Variants in PDZRN4 observed in about 807,000 individuals in gnomAD.
PDZRN4 encodes PDZ domain containing ring finger 4, also known as PDZ domain-containing RING finger protein 4.
In PDZRN4, 70 loss-of-function variants were observed where a neutral mutation model predicts 99.0. The observed-to-expected ratio is 0.71, with a 90% CI of 0.58 to 0.86. The LOEUF (loss-of-function observed/expected upper bound fraction) is 0.86, where lower values mean the gene tolerates loss of function less well. Among genes scored for constraint, PDZRN4 ranks in the 40% least tolerant of loss-of-function variants. The pLI, the probability that PDZRN4 is intolerant of heterozygous loss-of-function variation, is 0.00. For synonymous variants in PDZRN4, 551 were observed against 501.6 expected (o/e 1.10, Z -1.32); for missense variants, 1,474 against 1,331.2 (o/e 1.11, Z -1.67).
At chr12:41,307,874 C>T (rs1951582496) in intron 3 of PDZRN4, among the ~76,000 whole-genome samples, 1 of 152,114 alleles carries the variant, frequency 6.6e-6, no homozygotes, top group Non-Finnish European at 1.5e-5. Context: ...CTATACATCA[C>T]TTCTGTGAGA....
At chr12:41,480,317 T>A (rs1937652597) in intron 3 of PDZRN4, among the ~76,000 whole-genome samples, 1 of 152,182 alleles carries the variant, frequency 6.6e-6, no homozygotes, top group African/African-American at 2.4e-5. Flanking sequence ...GTGGCTGGAA[T>A]ATTATGCATA....
At chr12:41,429,057 G>A (rs1329755520) in intron 3 of PDZRN4, among the ~76,000 whole-genome samples, 1 of 152,200 alleles carries the variant, frequency 6.6e-6, no homozygotes, top group Non-Finnish European at 1.5e-5. Context: ...TTGCTAGGTA[G>A]AATTTAATAT....
intron 3 of PDZRN4, among the ~76,000 whole-genome samples, chr12:41,227,250 G>A (rs1403177041): frequency 4.6e-5 from 7 of 152,068 alleles, no homozygotes; most frequent in African/African-American, 1.4e-4. Context: ...TAAGTTTGAG[G>A]TTTGTTCTGT....
chr12:41,453,055 A>G (rs1952788222), intron 3 of PDZRN4, among the ~76,000 whole-genome samples: 1 of 152,128 alleles, frequency 6.6e-6, no homozygotes, highest in Non-Finnish European at 1.5e-5. Context: ...CTGAAACTGG[A>G]ATGGCCTGTC....
intron 3 of PDZRN4, among the ~76,000 whole-genome samples, chr12:41,319,880 A>C (rs911341621): frequency 3.3e-5 from 5 of 152,230 alleles, no homozygotes; most frequent in Non-Finnish European, 5.9e-5. Context: ...CCTGCTTTTT[A>C]AACCTATGGT....
Position 41,574,108 on chromosome 12 carries a change from C to A in PDZRN4, c.*218C>A. On this transcript the variant is annotated 3_prime_UTR_variant, in exon 10 of 10. Coordinates refer to ENST00000402685, the MANE Select transcript of PDZRN4 (RefSeq NM_001164595.2). ...ATCTTTCTTTTACTTGTGATATATT[C>A]ATATTACTCGTTTATAAAAAATCAA... is the stretch of plus-strand genomic sequence containing the variant. 2.8e-6 allele frequency: 1 copy of A among 357,436 alleles called. No individual in the cohort carries two copies. The highest frequency in any genetic ancestry group is 2.1e-5 in the African/African-American group (1 of 47,668). The allele number at this position is 357,436 out of a possible 1,614,324, so 22.1% of individuals were successfully genotyped here. A position where few individuals can be genotyped will look rare whatever the true frequency, so the allele number is the denominator to read the frequency against.
At chr12:41,276,395 C>T (rs117903281) in intron 3 of PDZRN4, among the ~76,000 whole-genome samples, 2,624 of 152,052 alleles carry the variant, frequency 0.017, 44 homozygotes, top group Non-Finnish European at 0.024. Context: ...AGCAGTTTAA[C>T]GAGTAGACCC....
intron 3 of PDZRN4, among the ~76,000 whole-genome samples, chr12:41,199,711 C>T (rs540220383): frequency 2.3e-4 from 35 of 152,192 alleles, no homozygotes; most frequent in Admixed American, 9.2e-4. Context: ...GTGTGTTTTG[C>T]GCAACATAGA....
At position 41,205,632 on chromosome 12, in the gene PDZRN4, G is replaced by T. The variant is rs750824666; in HGVS notation, c.843+11444G>T. ...TCTACTCAGCTCAGATATCACCATT[G>T]CAGACAAGCCTCCTCTGTCTTTCCT... On this transcript the variant is annotated intron_variant, in intron 3 of 9. Coordinates refer to ENST00000402685, the MANE Select transcript of PDZRN4 (RefSeq NM_001164595.2). Among the ~76,000 whole-genome samples, 3 of 151,832 alleles carry T rather than the reference G, an allele frequency of 2.0e-5. No individual in the cohort carries two copies. In the South Asian group the frequency reaches 6.2e-4, roughly 31 times the overall value.
At chr12:41,493,477 A>C (rs533480768) in intron 3 of PDZRN4, among the ~76,000 whole-genome samples, 1 of 152,132 alleles carries the variant, frequency 6.6e-6, no homozygotes, top group African/African-American at 2.4e-5. Context: ...TGATGACTCT[A>C]TTTGGTGGAG....
chr12:41,457,395 G>A (rs540191482), intron 3 of PDZRN4, among the ~76,000 whole-genome samples: 17 of 152,240 alleles, frequency 1.1e-4, no homozygotes, highest in Admixed American at 5.9e-4. Flanking sequence ...TGAATAATCC[G>A]AACTAAATTT....
chr12:41,373,796 T>C (rs1394001081), intron 3 of PDZRN4, among the ~76,000 whole-genome samples: 1 of 152,114 alleles, frequency 6.6e-6, no homozygotes, highest in African/African-American at 2.4e-5. Context: ...ATTGGGGAAG[T>C]GATAAGTGTC....
intron 3 of PDZRN4, among the ~76,000 whole-genome samples, chr12:41,223,062 G>A (rs1385051988): frequency 6.6e-6 from 1 of 151,914 alleles, no homozygotes; most frequent in Non-Finnish European, 1.5e-5. Context: ...CTTTTAAATG[G>A]CAAAGCTCAC....
chr12:41,555,241 A>G (rs6582339), intron 6 of PDZRN4, among the ~76,000 whole-genome samples: 11 of 119,974 alleles, frequency 9.2e-5, no homozygotes, highest in East Asian at 2.4e-4. Flanking sequence ...AAAAAAAAAA[A>G]AAAAAAAAGA....
chr12:41,557,976 T>C (rs1939197023), intron 7 of PDZRN4, among the ~76,000 whole-genome samples: 1 of 152,170 alleles, frequency 6.6e-6, no homozygotes, highest in Non-Finnish European at 1.5e-5. Context: ...AACCAGGGTA[T>C]TCAGTGGAGA....
intron 3 of PDZRN4, among the ~76,000 whole-genome samples, chr12:41,316,313 G>A (rs1451478997): frequency 6.6e-6 from 1 of 152,130 alleles, no homozygotes. Context: ...GGGAAGCAAT[G>A]AGGAAGAGGA....
chr12:41,551,031 T>C (rs1402870583), intron 5 of PDZRN4, among the ~76,000 whole-genome samples: 4 of 152,198 alleles, frequency 2.6e-5, no homozygotes, highest in Non-Finnish European at 5.9e-5. Flanking sequence ...TGAATACTTT[T>C]TGTCTTTGTA....
intron 5 of PDZRN4, among the ~76,000 whole-genome samples, chr12:41,514,530 T>A (rs564006465): frequency 6.6e-6 from 1 of 152,122 alleles, no homozygotes; most frequent in Non-Finnish European, 1.5e-5. Context: ...CCTAGCATGA[T>A]GCATGTATAG....
intron 3 of PDZRN4, among the ~76,000 whole-genome samples, chr12:41,481,329 A>G (rs543086733): frequency 6.6e-6 from 1 of 152,014 alleles, no homozygotes; most frequent in Non-Finnish European, 1.5e-5. Context: ...TCTTCCTTCC[A>G]ACCTAGCCTA....
Sources: gnomAD v4.1 joint callset for allele counts (sites outside exome capture counted in the v4.1 genomes callset) on GRCh38, gnomAD v4.1.1 for gene constraint, MANE v1.5 for transcripts, NCBI Gene and HGNC (gene_info 2026-07-23, HGNC 2026-07-21) for gene names.